Variants in NDRG1 observed in about 807,000 individuals in gnomAD.
NDRG1 encodes the protein N-myc downstream regulated 1.
NDRG1 carries 32 observed loss-of-function variants against 56.9 expected under a neutral mutation model. The ratio of observed to expected loss-of-function variants is 0.56; its 90% CI spans 0.42 to 0.76. The LOEUF (loss-of-function observed/expected upper bound fraction) is 0.76. Ranked by LOEUF, NDRG1 falls within the 30% of genes least tolerant of loss-of-function variation. The pLI is 0.00. For synonymous variants in NDRG1, 211 were observed against 204.1 expected, an observed-to-expected ratio of 1.03 and a Z score of -0.29; for missense variants, 507 against 545.7, an observed-to-expected ratio of 0.93 and a Z score of 0.71.
intron 9 of NDRG1, among the ~76,000 whole-genome samples, chr8:133,250,908 TAA>T (rs75259677): frequency 4.2e-3 from 526 of 124,810 alleles, no homozygotes; most frequent in Admixed American, 5.8e-3. Flanking sequence ...TCAGATCTCT[TAA>T]AAAAAAAAAA....
Position 133,238,382 on chromosome 8 carries a change from G to C in NDRG1, c.*496C>G, listed in dbSNP as rs995387632. On this transcript the variant is annotated 3_prime_UTR_variant, in exon 16 of 16. Transcript: ENST00000323851. ...CTTCCTGTTTTGCCTGTTTAAAAGA[G>C]GTGCCTGCATGTCACTATTACCCCC... 4.2e-6 allele frequency: 1 copy of C among 239,210 alleles called. No individual in the cohort carries two copies. Among genetic ancestry groups the C allele is most frequent in the African/African-American group, 2.2e-5 (1 of 45,440 alleles). The allele number at this position is 239,210 out of a possible 1,614,324, so 14.8% of individuals were successfully genotyped here.
intron 9 of NDRG1, 139 bp downstream of exon 9, chr8:133,254,400 A>G: frequency 1.4e-6 from 1 of 733,188 alleles, no homozygotes; most frequent in Non-Finnish European, 2.3e-6. Context: ...ATAATGTCAC[A>G]TTATCTCATG....
chr8:133,275,114 A>T (rs180804097), intron 3 of NDRG1, among the ~76,000 whole-genome samples: 303 of 152,270 alleles, frequency 2.0e-3, no homozygotes, highest in Non-Finnish European at 3.1e-3. Context: ...CCTGGAACCC[A>T]TCAGGCCCCA....
intron 3 of NDRG1, among the ~76,000 whole-genome samples, chr8:133,267,895 G>A (rs996985188): frequency 1.1e-4 from 16 of 152,256 alleles, no homozygotes; most frequent in African/African-American, 3.6e-4. Flanking sequence ...GGGGACTCCC[G>A]GTGCAGGCAG....
intron 1 of NDRG1, among the ~76,000 whole-genome samples, chr8:133,286,567 G>C (rs1315069664): frequency 6.6e-6 from 1 of 152,178 alleles, no homozygotes; most frequent in African/African-American, 2.4e-5. Context: ...ATCGCTGTGT[G>C]TCCTAGAAAT....
chr8:133,242,705 G>A (rs1170211424), intron 14 of NDRG1, among the ~76,000 whole-genome samples: 2 of 128,266 alleles, frequency 1.6e-5, no homozygotes, highest in African/African-American at 2.8e-5. Context: ...AAGGATGGAT[G>A]GAAAGAAGGA....
intron 1 of NDRG1, among the ~76,000 whole-genome samples, chr8:133,287,088 T>C (rs996067112): frequency 6.6e-6 from 1 of 152,176 alleles, no homozygotes; most frequent in African/African-American, 2.4e-5. Context: ...CCCTGATGCC[T>C]CAACCAAAAA....
At chr8:133,294,282 C>T (rs1858607103) in intron 1 of NDRG1, among the ~76,000 whole-genome samples, 2 of 152,212 alleles carry the variant, frequency 1.3e-5, no homozygotes, top group Non-Finnish European at 2.9e-5. Context: ...ACTCTCCTGG[C>T]CTCAGTTGCC....
intron 3 of NDRG1, chr8:133,264,932 C>T: frequency 2.1e-6 from 1 of 483,224 alleles, no homozygotes; most frequent in Admixed American, 3.3e-5. Context: ...ACCATCTCTG[C>T]CCCGGACTGT....
chr8:133,270,825 CCACG>C, intron 3 of NDRG1, among the ~76,000 whole-genome samples: 1 of 152,204 alleles, frequency 6.6e-6, no homozygotes, highest in Non-Finnish European at 1.5e-5. Flanking sequence ...GATATAACCA[CCACG>C]TGCCCTTGGC....
intron 7 of NDRG1, 118 bp downstream of exon 7, chr8:133,258,248 T>A: frequency 9.9e-7 from 1 of 1,008,376 alleles, no homozygotes. Flanking sequence ...CACACACAAC[T>A]GTGGAGAATA....
At chr8:133,266,362 G>A (rs1160381007) in intron 3 of NDRG1, among the ~76,000 whole-genome samples, 3 of 152,254 alleles carry the variant, frequency 2.0e-5, no homozygotes, top group African/African-American at 7.2e-5. Flanking sequence ...CTAGAAGCTG[G>A]CAGAAATGCG....
chr8:133,291,638 C>A (rs3802253), intron 1 of NDRG1, among the ~76,000 whole-genome samples: 91,696 of 151,966 alleles, frequency 0.6, 29,209 homozygotes, highest in African/African-American at 0.82. Context: ...GGTTAGGGAA[C>A]TGTATCAGAG....
At chr8:133,262,796 T>C (rs1586447885) in intron 4 of NDRG1, among the ~76,000 whole-genome samples, 2 of 152,316 alleles carry the variant, frequency 1.3e-5, no homozygotes, top group South Asian at 4.1e-4. Context: ...ACCGTCACCA[T>C]TTCCTCACCA....
intron 14 of NDRG1, among the ~76,000 whole-genome samples, chr8:133,242,914 A>G (rs1009227507): frequency 2.0e-5 from 3 of 152,244 alleles, no homozygotes; most frequent in African/African-American, 7.2e-5. Flanking sequence ...TTAATTAACA[A>G]CTAACTGGGC....
Position 133,294,671 on chromosome 8 carries a change from T to TGGG in NDRG1, c.-19+2460_-19+2462dup, listed in dbSNP as rs113471703. Among the ~76,000 whole-genome samples, 394 of 143,800 alleles carry TGGG rather than the reference T, an allele frequency of 2.7e-3. 3 individuals are homozygous for TGGG. The highest frequency in any genetic ancestry group is 9.5e-3 in the African/African-American group (362 of 38,242). 94.3% of individuals were successfully genotyped at this position (143,800 alleles called of 152,430 possible). On this transcript the variant is annotated intron_variant, in intron 1 of 15. Coordinates refer to ENST00000323851, the MANE Select transcript of NDRG1 (RefSeq NM_006096.4). Reference sequence around the variant, plus strand: ...CTCAGTTGAGATCTGTCTTCTGTCATGGGGGGGGGGCAGCCCCATTCAGTC... The same window carrying TGGG: ...CTCAGTTGAGATCTGTCTTCTGTCATGGGGGGGGGGGGGCAGCCCCATTCAGTC...
intron 6 of NDRG1, 126 bp downstream of exon 6, chr8:133,259,042 T>C: frequency 1.1e-6 from 1 of 935,136 alleles, no homozygotes; most frequent in African/African-American, 1.6e-5. Flanking sequence ...CGAGCTAATT[T>C]CTTGCCTCAT....
chr8:133,243,587 C>T (rs895072476), intron 14 of NDRG1, among the ~76,000 whole-genome samples: 4 of 152,166 alleles, frequency 2.6e-5, no homozygotes, highest in Non-Finnish European at 4.4e-5. Context: ...GTCCTCGAAG[C>T]CTGTGCTCGT....
intron 12 of NDRG1, 120 bp from the exon 13 acceptor site, chr8:133,246,783 G>T: frequency 2.1e-6 from 2 of 943,088 alleles, no homozygotes; most frequent in Non-Finnish European, 1.7e-6. Flanking sequence ...TGGCAAAGAA[G>T]AAAGTATGTG....
Sources: gnomAD v4.1 joint callset for allele counts (sites outside exome capture counted in the v4.1 genomes callset) on GRCh38, gnomAD v4.1.1 for gene constraint, MANE v1.5 for transcripts, NCBI Gene and HGNC (gene_info 2026-07-23, HGNC 2026-07-21) for gene names.